Variants in CNTN5 observed in about 807,000 individuals in gnomAD.
CNTN5 encodes the protein contactin-5.
Under a neutral mutation model 129.1 loss-of-function variants are expected in CNTN5, and 77 were observed. That is an observed-to-expected ratio of 0.60 (90% CI 0.50 to 0.72). CNTN5 has a LOEUF of 0.72. Among genes scored for constraint, CNTN5 ranks in the 30% least tolerant of loss-of-function variants. The pLI, the probability that CNTN5 is intolerant of heterozygous loss-of-function variation, is 0.00. For synonymous variants in CNTN5, 509 were observed against 465.6 expected, an observed-to-expected ratio of 1.09 and a Z score of -1.20; for missense variants, 1,478 against 1,328.8, an observed-to-expected ratio of 1.11 and a Z score of -1.75.
intron 3 of CNTN5, among the ~76,000 whole-genome samples, chr11:99,792,067 T>A (rs1945763484): frequency 1.3e-5 from 2 of 152,164 alleles, no homozygotes; most frequent in South Asian, 4.1e-4. Flanking sequence ...TGACAACTTT[T>A]CCTGTCAGGA....
chr11:99,716,261 T>C (rs1955218304), intron 3 of CNTN5, among the ~76,000 whole-genome samples: 1 of 152,176 alleles, frequency 6.6e-6, no homozygotes, highest in East Asian at 1.9e-4. Context: ...ATATTAAAAA[T>C]TGATAAAGAT....
At chr11:99,790,146 G>A (rs1945686953) in intron 3 of CNTN5, among the ~76,000 whole-genome samples, 1 of 151,884 alleles carries the variant, frequency 6.6e-6, no homozygotes, top group African/African-American at 2.4e-5. Context: ...TGGCTGCATA[G>A]TATTCTATGG....
chr11:100,157,535 A>C (rs1178782658), intron 13 of CNTN5, among the ~76,000 whole-genome samples: 2 of 151,770 alleles, frequency 1.3e-5, no homozygotes, highest in African/African-American at 4.8e-5. Context: ...CCAAGTCTCA[A>C]CAGTGTTTTA....
At chr11:99,123,233 G>A (rs184507469) in intron 1 of CNTN5, among the ~76,000 whole-genome samples, 1 of 151,072 alleles carries the variant, frequency 6.6e-6, no homozygotes, top group African/African-American at 2.4e-5. Flanking sequence ...TTTTAATAAC[G>A]GTCATTCTGA....
chr11:99,383,319 G>A (rs1347275801), intron 2 of CNTN5, among the ~76,000 whole-genome samples: 1 of 152,118 alleles, frequency 6.6e-6, no homozygotes, highest in Non-Finnish European at 1.5e-5. Flanking sequence ...TGACAGACTG[G>A]TCCCATATGT....
chr11:100,311,313 G>A (rs2138931039), intron 21 of CNTN5, among the ~76,000 whole-genome samples: 2 of 152,032 alleles, frequency 1.3e-5, no homozygotes, highest in East Asian at 3.9e-4. Context: ...CTAGGTAAAT[G>A]GCATTGTCAT....
At chr11:100,342,710 T>A (rs1335368779) in intron 23 of CNTN5, among the ~76,000 whole-genome samples, 1 of 152,188 alleles carries the variant, frequency 6.6e-6, no homozygotes, top group African/African-American at 2.4e-5. Flanking sequence ...TATTTCTTGT[T>A]CCTAATGTTT....
chr11:99,679,296 C>T (rs77763310), intron 3 of CNTN5, among the ~76,000 whole-genome samples: 2,757 of 151,404 alleles, frequency 0.018, 116 homozygotes, highest in East Asian at 0.18. Context: ...TTTTATCGCA[C>T]TCTGCTTTAT....
At chr11:99,680,361 T>C (rs1039920326) in intron 3 of CNTN5, among the ~76,000 whole-genome samples, 3 of 152,140 alleles carry the variant, frequency 2.0e-5, no homozygotes, top group Non-Finnish European at 4.4e-5. Context: ...CACCTGATGA[T>C]TGTAAATTGA....
chr11:99,426,396 C>G (rs1943122927), intron 2 of CNTN5, among the ~76,000 whole-genome samples: 1 of 152,222 alleles, frequency 6.6e-6, no homozygotes, highest in African/African-American at 2.4e-5. Context: ...AGGAGACTCA[C>G]TTTCATAAAC....
At chr11:99,585,675 C>G (rs1407651770) in intron 3 of CNTN5, among the ~76,000 whole-genome samples, 2 of 151,846 alleles carry the variant, frequency 1.3e-5, no homozygotes, top group East Asian at 3.9e-4. Flanking sequence ...GTAAATGGGC[C>G]CTAATATCAA....
chr11:99,421,506 A>G (rs1011867497), intron 2 of CNTN5, among the ~76,000 whole-genome samples: 1 of 152,146 alleles, frequency 6.6e-6, no homozygotes. Context: ...AAACTCCCCA[A>G]TTGAAACTAA....
At chr11:99,109,305 T>C (rs1427069486) in intron 1 of CNTN5, among the ~76,000 whole-genome samples, 4 of 152,140 alleles carry the variant, frequency 2.6e-5, no homozygotes. Flanking sequence ...TGGTATATTC[T>C]AAACAAAAAT....
At chr11:99,540,859 A>G (rs1275769478) in intron 2 of CNTN5, among the ~76,000 whole-genome samples, 2 of 152,182 alleles carry the variant, frequency 1.3e-5, no homozygotes, top group Non-Finnish European at 2.9e-5. Flanking sequence ...AATATTAGAT[A>G]AGTCTACGAA....
At chr11:99,535,064 A>T (rs1441726757) in intron 2 of CNTN5, among the ~76,000 whole-genome samples, 1 of 152,190 alleles carries the variant, frequency 6.6e-6, no homozygotes, top group Non-Finnish European at 1.5e-5. Context: ...CATAGGTCAG[A>T]TGAAGAATAT....
At position 100,131,472 on chromosome 11, in the gene CNTN5, G is replaced by A. The variant is rs1406277668; in HGVS notation, c.1580+57178G>A. On this transcript the variant is annotated intron_variant, in intron 13 of 24. Transcript: ENST00000524871. ...ATAGTTAAGTTTTCAACATGTTAAG[G>A]TTGAGGTATTTGTGAGTTATCCAAA... Among the ~76,000 whole-genome samples, 3 of 152,064 alleles carry A rather than the reference G, an allele frequency of 2.0e-5. No individual in the cohort carries two copies. The East Asian group carries it at 5.8e-4, about 29-fold the overall frequency.
At chr11:99,985,503 G>T (rs1165037765) in intron 8 of CNTN5, among the ~76,000 whole-genome samples, 1 of 152,088 alleles carries the variant, frequency 6.6e-6, no homozygotes, top group Non-Finnish European at 1.5e-5. Flanking sequence ...GCTATAGGTA[G>T]TTTTGGAAAA....
intron 6 of CNTN5, among the ~76,000 whole-genome samples, chr11:99,861,907 T>C (rs1267103471): frequency 6.6e-6 from 1 of 152,220 alleles, no homozygotes; most frequent in Non-Finnish European, 1.5e-5. Context: ...ATAAATTGAA[T>C]ACCTAGTAAT....
chr11:99,738,616 C>CTGTGTGTGTGT (rs1555093398), intron 3 of CNTN5, among the ~76,000 whole-genome samples: 1 of 143,210 alleles, frequency 7.0e-6, no homozygotes, highest in Non-Finnish European at 1.5e-5. Context: ...AAGACAGTAA[C>CTGTGTGTGTGT]GTGTGTGTGT....
Sources: allele counts gnomAD v4.1 joint callset (sites outside exome capture counted in the v4.1 genomes callset), GRCh38; gene constraint gnomAD v4.1.1; transcripts MANE v1.5; gene names NCBI Gene and HGNC (gene_info 2026-07-23, HGNC 2026-07-21).